Variants in SPTBN1 observed in about 807,000 individuals in gnomAD.
SPTBN1 encodes spectrin beta chain, non-erythrocytic 1.
In SPTBN1, 32 loss-of-function variants were observed where a neutral mutation model predicts 266.4. The ratio of observed to expected loss-of-function variants is 0.12; its 90% confidence interval spans 0.09 to 0.16. SPTBN1 has a LOEUF of 0.16. Among genes scored for constraint, SPTBN1 ranks in the 10% least tolerant of loss-of-function variants. The pLI is 1.00. For synonymous variants in SPTBN1, 1,336 were observed against 1,162.2 expected (o/e 1.15, Z -3.04); for missense variants, 2,296 against 3,067.1 (o/e 0.75, Z 5.94).
intron 2 of SPTBN1, among the ~76,000 whole-genome samples, chr2:54,566,110 T>G (rs1318390960): frequency 1.3e-5 from 2 of 151,626 alleles, no homozygotes; most frequent in Admixed American, 1.3e-4. Context: ...TTCTATCAAC[T>G]CTGAAACCCA....
rs778322169 is a variant in SPTBN1 at position 54,659,264 on chromosome 2, G to A, written c.6354G>A (p.Gln2118=). 2 of 1,614,020 alleles carry A rather than the reference G, an allele frequency of 1.2e-6. No individual in the cohort carries two copies. Among genetic ancestry groups the A allele is most frequent in the South Asian group, 2.2e-5 (2 of 91,070 alleles). ...KVSEEAESQQ[Q]WDTSKGEQVS... ...CAGAGGAAGCCGAGTCCCAGCAGCA[G>A]TGGTGAGTCCCAGCAGCTCCAGAGG... The change falls in exon 31 of 36, where the codon CAG becomes CAA. Residue 2118 remains glutamine, a splice_region_variant and synonymous_variant. Coordinates refer to ENST00000356805, the MANE Select transcript of SPTBN1 (RefSeq NM_003128.3).
At chr2:54,534,597 G>C (rs1671482507) in intron 2 of SPTBN1, among the ~76,000 whole-genome samples, 1 of 152,154 alleles carries the variant, frequency 6.6e-6, no homozygotes, top group South Asian at 2.1e-4. Context: ...AAGAATCTTT[G>C]CTTTACTTTT....
intron 2 of SPTBN1, among the ~76,000 whole-genome samples, chr2:54,543,269 G>A (rs1672040401): frequency 6.6e-6 from 1 of 152,216 alleles, no homozygotes; most frequent in African/African-American, 2.4e-5. Flanking sequence ...TTAAAATAAT[G>A]TGGAAGATTC....
At chr2:54,468,017 A>G (rs1298238887) in intron 1 of SPTBN1, among the ~76,000 whole-genome samples, 2 of 152,044 alleles carry the variant, frequency 1.3e-5, no homozygotes, top group Non-Finnish European at 2.9e-5. Context: ...TTAATATTTT[A>G]GTGTTTCTCG....
At chr2:54,524,600 C>G (rs1456480666) in intron 1 of SPTBN1, among the ~76,000 whole-genome samples, 1 of 152,154 alleles carries the variant, frequency 6.6e-6, no homozygotes, top group Non-Finnish European at 1.5e-5. Context: ...TCCATTATTG[C>G]CGCCTAGAAT....
chr2:54,595,399 C>T (rs1055142024), intron 2 of SPTBN1, among the ~76,000 whole-genome samples: 3 of 152,176 alleles, frequency 2.0e-5, no homozygotes, highest in African/African-American at 7.2e-5. Flanking sequence ...AAGTTTGGGG[C>T]AGGGCTGGTT....
At chr2:54,614,247 C>T (rs1313597383) in intron 4 of SPTBN1, among the ~76,000 whole-genome samples, 2 of 152,104 alleles carry the variant, frequency 1.3e-5, no homozygotes, top group East Asian at 3.9e-4. Flanking sequence ...CAAGGCCCAG[C>T]TGTAGATATC....
In SPTBN1 at chr2:54,630,711, G is replaced by T. The variant is rs1234236523; in HGVS notation, c.2808-144G>T. On this transcript the variant is annotated intron_variant, in intron 15 of 35. Transcript: ENST00000356805. Reference sequence around the variant, plus strand: ...TATATTTGGTGTTCACAGTTTGAGTGAGATGATTTTCCAAAAAAGCATGTA... The same window carrying T: ...TATATTTGGTGTTCACAGTTTGAGTTAGATGATTTTCCAAAAAAGCATGTA... 5 of 963,962 alleles carry T rather than the reference G, an allele frequency of 5.2e-6. No individual in the cohort carries two copies. In the Admixed American group the frequency reaches 1.7e-4, roughly 32 times the overall value. The allele number at this position is 963,962 out of a possible 1,614,324, so 59.7% of individuals were successfully genotyped here.
At chr2:54,614,006 G>T (rs150369680) in intron 4 of SPTBN1, among the ~76,000 whole-genome samples, 1 of 152,302 alleles carries the variant, frequency 6.6e-6, no homozygotes, top group African/African-American at 2.4e-5. Context: ...GATTCTCAGC[G>T]TGAATTGCTT....
Position 54,628,358 on chromosome 2 carries a change from G to A in SPTBN1, c.1798+108G>A. On this transcript the variant is annotated intron_variant, in intron 13 of 35. Coordinates refer to ENST00000356805, the MANE Select transcript of SPTBN1 (RefSeq NM_003128.3). The surrounding 1 kb of genome is among the most constrained non-coding windows in gnomAD (Gnocchi z 4.3). ...CTGTGCCACTATACATTCCTGGTGG[G>A]TTTGTCATGGGAGCATGAAATACGG... The A allele has an allele frequency of 2.2e-6, 3 of 1,366,180 alleles. No homozygotes were observed. The highest frequency in any genetic ancestry group is 2.9e-6 in the Non-Finnish European group (3 of 1,041,790). The allele number at this position is 1,366,180 out of a possible 1,614,324, so 84.6% of individuals were successfully genotyped here.
intron 2 of SPTBN1, among the ~76,000 whole-genome samples, chr2:54,548,705 C>G (rs935817505): frequency 5.9e-5 from 9 of 152,230 alleles, no homozygotes; most frequent in Admixed American, 2.6e-4. Context: ...GCACACGGCT[C>G]TGTGCCTCAT....
chr2:54,648,723 C>A (rs1202412904), intron 24 of SPTBN1, among the ~76,000 whole-genome samples: 1 of 152,202 alleles, frequency 6.6e-6, no homozygotes, highest in African/African-American at 2.4e-5. Context: ...CAGAATGAGG[C>A]ACTACCCATC....
intron 1 of SPTBN1, among the ~76,000 whole-genome samples, chr2:54,483,572 C>T (rs575270300): frequency 6.6e-6 from 1 of 152,292 alleles, no homozygotes; most frequent in East Asian, 1.9e-4. Flanking sequence ...TTCCTGTCTC[C>T]TGCATTTCGC....
chr2:54,600,089 G>A (rs961268968), intron 3 of SPTBN1, among the ~76,000 whole-genome samples: 1 of 152,196 alleles, frequency 6.6e-6, no homozygotes. Flanking sequence ...CAGTTGGCAG[G>A]GCTGCCAGAA....
At position 54,630,978 on chromosome 2, in the gene SPTBN1, C is replaced by G. The variant is rs773569037; in HGVS notation, c.2931C>G (p.Val977=). The part of the protein sequence containing the change: ...TKSWIREKTK[V]IESTQDLGND... ...CCTGGATTCGGGAAAAGACCAAGGT[C>G]ATCGAGTCCACCCAGGACCTGGGCA... The change falls in exon 16 of 36, where the codon GTC becomes GTG. Residue 977 remains valine, a synonymous_variant. Transcript: ENST00000356805. The G allele has an allele frequency of 1.2e-6, 2 of 1,614,168 alleles. No homozygotes were observed.
At chr2:54,608,984 G>A (rs1399256476) in intron 3 of SPTBN1, among the ~76,000 whole-genome samples, 2 of 152,174 alleles carry the variant, frequency 1.3e-5, no homozygotes, top group African/African-American at 2.4e-5. Flanking sequence ...CATCATAAAT[G>A]TCTTCATCCT....
intron 2 of SPTBN1, among the ~76,000 whole-genome samples, chr2:54,542,934 T>A (rs1573377843): frequency 6.6e-6 from 1 of 152,178 alleles, no homozygotes. Context: ...CTCTAGTTTT[T>A]AGGATTATGT....
chr2:54,542,715 G>T lies in SPTBN1; in HGVS notation c.148+16149G>T, dbSNP rs552206565. ...ACAAGGCCCTGAAGCTGAGATTGTG[G>T]CTGAGGGCTTGAGAAAGCAGGGCCT... On this transcript the variant is annotated intron_variant, in intron 2 of 35. Transcript: ENST00000356805. 2.8e-4 allele frequency among the ~76,000 whole-genome samples: 43 copies of T among 152,266 alleles called. No individual in the cohort carries two copies. In the South Asian group the frequency reaches 8.7e-3, roughly 31 times the overall value.
chr2:54,495,013 CA>C, intron 1 of SPTBN1, among the ~76,000 whole-genome samples: 1 of 152,012 alleles, frequency 6.6e-6, no homozygotes, highest in South Asian at 2.1e-4. Context: ...CAGTCAAGAA[CA>C]GGGGCAGAAG....
Sources: gnomAD v4.1 joint callset for allele counts (sites outside exome capture counted in the v4.1 genomes callset) on GRCh38, gnomAD v4.1.1 for gene constraint, Gnocchi (gnomAD v3.1) non-coding constraint, MANE v1.5 for transcripts, NCBI Gene and HGNC (gene_info 2026-07-23, HGNC 2026-07-21) for gene names.